The following WDR76 variants were observed in gnomAD, a reference collection of about 807,000 sequenced individuals.
WDR76 encodes WD repeat-containing protein 76.
Under a neutral mutation model 70.2 loss-of-function variants are expected in WDR76, and 52 were observed. The observed-to-expected ratio is 0.74, with a 90% CI of 0.59 to 0.93. WDR76 has a LOEUF of 0.93. WDR76 is among the 40% of genes least tolerant of loss of function. The probability of loss-of-function intolerance (pLI) is 0.00; values close to 1 mark genes in which losing one functional copy is unlikely to be tolerated. For missense variants in WDR76, 756 were observed against 760.2 expected (o/e 0.99, Z 0.07); for synonymous variants, 292 against 271.1 (o/e 1.08, Z -0.76).
At chr15:43,841,401 G>T (rs934957651) in intron 5 of WDR76, among the ~76,000 whole-genome samples, 2 of 151,870 alleles carry the variant, frequency 1.3e-5, no homozygotes, top group African/African-American at 4.8e-5. Context: ...GTTTCACTGC[G>T]TTAGCCAGGA....
At chr15:43,852,434 C>T (rs1055240164) in intron 9 of WDR76, among the ~76,000 whole-genome samples, 21 of 151,644 alleles carry the variant, frequency 1.4e-4, no homozygotes, top group African/African-American at 4.9e-4. Context: ...TGCAGTGGTG[C>T]GATCTTGGCT....
At chr15:43,827,644 A>C (rs1455022035) in intron 1 of WDR76, among the ~76,000 whole-genome samples, 1 of 152,190 alleles carries the variant, frequency 6.6e-6, no homozygotes, top group Non-Finnish European at 1.5e-5. Flanking sequence ...TCCCGGGTTC[A>C]AGTGATTCTT....
chr15:43,861,832 A>ATTTTTTTTTTTT (rs898404641), intron 12 of WDR76, among the ~76,000 whole-genome samples: 17 of 104,768 alleles, frequency 1.6e-4, no homozygotes, highest in South Asian at 3.0e-4. Flanking sequence ...GTATTTGTGT[A>ATTTTTTTTTTTT]TTTTTTTTTT....
chr15:43,867,897 A>G lies in WDR76; in HGVS notation c.*1505A>G, dbSNP rs1380400941. The G allele has an allele frequency of 1.3e-5, 2 of 152,184 alleles. No homozygotes were observed. Among genetic ancestry groups the G allele is most frequent in the African/African-American group, 4.8e-5 (2 of 41,444 alleles). 9.4% of individuals were successfully genotyped at this position (152,184 alleles called of 1,614,324 possible). ...CTTTTTTCATTATTCTTCATTGCCAAATACTGAAAGACTTGTAAATGGCTT... is the reference window on the plus strand; with the variant it reads ...CTTTTTTCATTATTCTTCATTGCCAGATACTGAAAGACTTGTAAATGGCTT... On this transcript the variant is annotated 3_prime_UTR_variant, in exon 13 of 13. Coordinates refer to ENST00000263795, the MANE Select transcript of WDR76 (RefSeq NM_024908.4).
chr15:43,862,577 C>T (rs974139644), intron 12 of WDR76, among the ~76,000 whole-genome samples: 8 of 150,474 alleles, frequency 5.3e-5, no homozygotes, highest in South Asian at 2.1e-4. Context: ...CTCGCGATCT[C>T]GGCTCACTAC....
At chr15:43,829,218 G>T (rs1198211790) in intron 2 of WDR76, among the ~76,000 whole-genome samples, 1 of 151,886 alleles carries the variant, frequency 6.6e-6, no homozygotes, top group Admixed American at 6.6e-5. Flanking sequence ...AATTCTTTTG[G>T]CTTCTGCTGC....
intron 4 of WDR76, among the ~76,000 whole-genome samples, chr15:43,838,608 C>T (rs1054933556): frequency 1.3e-5 from 2 of 152,142 alleles, no homozygotes; most frequent in Non-Finnish European, 2.9e-5. Context: ...TTATTTTGCT[C>T]ATCTTTACAT....
chr15:43,854,529 C>T (rs1465407101), intron 9 of WDR76, among the ~76,000 whole-genome samples: 10 of 152,164 alleles, frequency 6.6e-5, no homozygotes, highest in Non-Finnish European at 1.5e-4. Flanking sequence ...GAGATTGCAT[C>T]ACTGCGCTCC....
At chr15:43,848,006 A>G (rs2087809715) in intron 8 of WDR76, among the ~76,000 whole-genome samples, 1 of 151,858 alleles carries the variant, frequency 6.6e-6, no homozygotes. Flanking sequence ...AGGCAGGAGG[A>G]TGGCTTAAGC....
intron 9 of WDR76, 61 bp from the exon 10 acceptor site, chr15:43,856,885 A>T (rs2087934314): frequency 4.8e-6 from 7 of 1,455,556 alleles, no homozygotes; most frequent in Non-Finnish European, 6.6e-6. Context: ...CAAAGAATTT[A>T]TGCTTTGGCT....
Position 43,866,223 on chromosome 15 carries a change from C to T in WDR76, c.1712C>T (p.Pro571Leu). The T allele has an allele frequency of 6.2e-7, 1 of 1,614,214 alleles. No individual in the cohort carries two copies. ...DCVIVGSMAH[P>L]RRVEIFHETG... ...GTCATAGTTGGCAGCATGGCCCATC[C>T]ACGACGGGTAGAAATCTTCCATGAG... Residue 571 changes from proline to leucine, a missense_variant, in exon 13 of 13, where the codon CCA (proline) becomes CTA (leucine). By Grantham distance (98) the Pro-to-Leu change is moderately conservative (BLOSUM62 -3). Coordinates refer to ENST00000263795, the MANE Select transcript of WDR76 (RefSeq NM_024908.4).
chr15:43,863,958 C>G (rs1381688588), intron 12 of WDR76: 5 of 152,170 alleles, frequency 3.3e-5, no homozygotes, highest in Non-Finnish European at 5.9e-5. Flanking sequence ...TTATCTGTAA[C>G]TGACTGTGAA....
intron 5 of WDR76, 116 bp downstream of exon 5, chr15:43,839,844 T>C (rs2087702645): frequency 8.1e-7 from 1 of 1,240,218 alleles, no homozygotes; most frequent in Non-Finnish European, 1.1e-6. Context: ...TCATTAATAC[T>C]TGAATGTTGT....
chr15:43,838,569 A>G (rs1427941561), intron 4 of WDR76, among the ~76,000 whole-genome samples: 1 of 152,194 alleles, frequency 6.6e-6, no homozygotes, highest in East Asian at 1.9e-4. Context: ...TTCACATACA[A>G]TATGCCTTTT....
intron 8 of WDR76, among the ~76,000 whole-genome samples, chr15:43,849,698 C>T (rs746993252): frequency 7.9e-5 from 12 of 152,088 alleles, no homozygotes; most frequent in Non-Finnish European, 1.6e-4. Context: ...CCACCACGCC[C>T]GGCTAATTTT....
intron 12 of WDR76, among the ~76,000 whole-genome samples, chr15:43,862,082 C>A (rs1049486676): frequency 2.0e-5 from 3 of 151,674 alleles, no homozygotes; most frequent in African/African-American, 7.3e-5. Context: ...GTGATCCACC[C>A]GCCTCGGCCT....
chr15:43,845,765 A>G (rs1032322248), intron 8 of WDR76, among the ~76,000 whole-genome samples: 6 of 150,496 alleles, frequency 4.0e-5, no homozygotes, highest in African/African-American at 1.5e-4. Context: ...GTCTGTTATT[A>G]CAAAATTGAG....
intron 3 of WDR76, among the ~76,000 whole-genome samples, chr15:43,835,727 T>C (rs2141727239): frequency 6.6e-6 from 1 of 151,570 alleles, no homozygotes; most frequent in East Asian, 1.9e-4. Context: ...GGCACGATCT[T>C]GGCTCACTGC....
At chr15:43,843,444 G>A (rs780760037) in intron 7 of WDR76, among the ~76,000 whole-genome samples, 3 of 152,022 alleles carry the variant, frequency 2.0e-5, no homozygotes, top group South Asian at 2.1e-4. Context: ...TGGTATTTGC[G>A]GTTGTTTTCC....
Sources: allele counts gnomAD v4.1 joint callset (sites outside exome capture counted in the v4.1 genomes callset), GRCh38; gene constraint gnomAD v4.1.1; transcripts MANE v1.5; gene names NCBI Gene and HGNC (gene_info 2026-07-23, HGNC 2026-07-21).